The following VWA8 variants were observed in gnomAD, a reference collection of about 807,000 sequenced individuals.
The protein encoded by VWA8 is von Willebrand factor A domain-containing protein 8.
A neutral mutation model predicts 241.5 loss-of-function variants in VWA8; 221 were observed. That is an observed-to-expected ratio of 0.91 (90% CI 0.82 to 1.02). The LOEUF is 1.02. Ranked by LOEUF, VWA8 falls within the 50% of genes least tolerant of loss-of-function variation. The pLI is 0.00. For synonymous variants in VWA8, 852 were observed against 827.1 expected, an observed-to-expected ratio of 1.03 and a Z score of -0.52; for missense variants, 2,322 against 2,328.7, an observed-to-expected ratio of 1.00 and a Z score of 0.06.
At chr13:41,620,231 T>C (rs1435319333) in intron 37 of VWA8, among the ~76,000 whole-genome samples, 2 of 152,236 alleles carry the variant, frequency 1.3e-5, no homozygotes, top group African/African-American at 2.4e-5. Flanking sequence ...TATCCATTTC[T>C]TTTAGATTTT....
chr13:41,843,718 GCACACAACTAGAAA>G lies in VWA8; in HGVS notation c.1426-10201_1426-10188del, dbSNP rs1202512731. Among the ~76,000 whole-genome samples, 278 of 152,162 alleles carry G rather than the reference GCACACAACTAGAAA, an allele frequency of 1.8e-3. 4 individuals are homozygous for G. The highest frequency in any genetic ancestry group is 1.0e-3 in the Non-Finnish European group (69 of 67,988). On this transcript the variant is annotated intron_variant, in intron 12 of 44. Coordinates refer to ENST00000379310, the MANE Select transcript of VWA8 (RefSeq NM_015058.2). ...CAATGCCTACTATGAACACCTCTCT[GCACACAACTAGAAA>G]ATCTAGAGGAAATGGATAAATTCCT...
chr13:41,949,446 A>AG (rs35053474), intron 2 of VWA8, among the ~76,000 whole-genome samples: 38,030 of 151,540 alleles, frequency 0.25, 5,651 homozygotes, highest in South Asian at 0.34. Context: ...GGACACAGGG[A>AG]GGGGAACAAC....
At chr13:41,739,675 C>T (rs747529152) in intron 21 of VWA8, among the ~76,000 whole-genome samples, 6 of 151,992 alleles carry the variant, frequency 3.9e-5, no homozygotes, top group Non-Finnish European at 4.4e-5. Context: ...AGTTTTCTAC[C>T]ATTTACCTAT....
At chr13:41,881,606 G>T (rs1441698873) in intron 9 of VWA8, among the ~76,000 whole-genome samples, 2 of 150,662 alleles carry the variant, frequency 1.3e-5, no homozygotes, top group South Asian at 2.1e-4. Flanking sequence ...GTGGTGGCCA[G>T]GCAGAGGGGC....
intron 1 of VWA8, among the ~76,000 whole-genome samples, chr13:41,959,704 C>A (rs1239638809): frequency 6.7e-6 from 1 of 150,220 alleles, no homozygotes; most frequent in African/African-American, 2.5e-5. Flanking sequence ...CGGGTTCACG[C>A]CATTCTTCTG....
chr13:41,574,222 A>G (rs2044336182), intron 43 of VWA8, among the ~76,000 whole-genome samples: 1 of 152,050 alleles, frequency 6.6e-6, no homozygotes, highest in Non-Finnish European at 1.5e-5. Flanking sequence ...TGAATTCAGT[A>G]AAGTCTCAGG....
intron 12 of VWA8, among the ~76,000 whole-genome samples, chr13:41,850,787 G>A (rs1872500540): frequency 6.6e-6 from 1 of 152,126 alleles, no homozygotes. Flanking sequence ...AGCCCATGAG[G>A]ATCACTAACA....
chr13:41,764,794 C>A (rs1359581407), intron 20 of VWA8, among the ~76,000 whole-genome samples: 1 of 151,798 alleles, frequency 6.6e-6, no homozygotes, highest in African/African-American at 2.4e-5. Context: ...TCTGGCTAAG[C>A]CCTGGAAACC....
chr13:41,720,420 CAAAT>C, intron 25 of VWA8, among the ~76,000 whole-genome samples: 1 of 152,146 alleles, frequency 6.6e-6, no homozygotes, highest in South Asian at 2.1e-4. Context: ...TTTTAATTGA[CAAAT>C]AATAACTGTA....
At chr13:41,687,488 AAAG>A (rs2045144619) in intron 34 of VWA8, among the ~76,000 whole-genome samples, 1 of 152,166 alleles carries the variant, frequency 6.6e-6, no homozygotes, top group African/African-American at 2.4e-5. Context: ...TACATAATCC[AAAG>A]AAGTTCACAT....
At chr13:41,881,371 CCGGGGGGGG>C (rs1314932110) in intron 9 of VWA8, among the ~76,000 whole-genome samples, 5 of 10,984 alleles carry the variant, frequency 4.6e-4, no homozygotes, top group Non-Finnish European at 7.8e-4. Context: ...TTTTTTTTTG[CCGGGGGGGG>C]GGGGGGGGGG....
chr13:41,907,612 C>A lies in VWA8; in HGVS notation c.457G>T (p.Ala153Ser). Residue 153 changes from alanine to serine, a missense_variant, in exon 4 of 45, where the codon GCA (alanine) becomes TCA (serine). Physicochemically the swap from Ala to Ser is moderately conservative, Grantham distance 99. Coordinates refer to ENST00000379310, the MANE Select transcript of VWA8 (RefSeq NM_015058.2). The part of the protein sequence containing the change: ...TDLKQRREIR[A>S]GTAFYIDQCA... Reference sequence around the variant, plus strand: ...TGATCAATGTAAAAGGCTGTGCCTGCACGGATCTCTCGTCGCTGTTTGAGA... The same window carrying A: ...TGATCAATGTAAAAGGCTGTGCCTGAACGGATCTCTCGTCGCTGTTTGAGA... The A allele has an allele frequency of 6.2e-7, 1 of 1,614,156 alleles. No individual in the cohort carries two copies. Among genetic ancestry groups the A allele is most frequent in the Non-Finnish European group, 8.5e-7 (1 of 1,179,996 alleles).
intron 17 of VWA8, among the ~76,000 whole-genome samples, chr13:41,810,673 T>C (rs974296237): frequency 9.2e-5 from 14 of 152,100 alleles, no homozygotes; most frequent in Admixed American, 6.6e-5. Context: ...TACAAAAACA[T>C]AGATAGAATG....
At chr13:41,684,243 A>C (rs1369042424) in intron 35 of VWA8, among the ~76,000 whole-genome samples, 3 of 152,142 alleles carry the variant, frequency 2.0e-5, no homozygotes, top group Non-Finnish European at 4.4e-5. Flanking sequence ...AACTTTTCAA[A>C]CCCTGTTACA....
chr13:41,929,355 G>A (rs1365139295), intron 2 of VWA8, among the ~76,000 whole-genome samples: 1 of 151,832 alleles, frequency 6.6e-6, no homozygotes, highest in Non-Finnish European at 1.5e-5. Flanking sequence ...GCCTCACTAT[G>A]TTGCCATGGC....
At chr13:41,954,049 TATG>T (rs1188994531) in intron 1 of VWA8, among the ~76,000 whole-genome samples, 1 of 152,202 alleles carries the variant, frequency 6.6e-6, no homozygotes, top group Non-Finnish European at 1.5e-5. Flanking sequence ...AGGGAAAAGT[TATG>T]ACATTCATAT....
intron 20 of VWA8, among the ~76,000 whole-genome samples, chr13:41,770,901 C>CAAAAAAAA (rs71096541): frequency 7.1e-5 from 7 of 98,354 alleles, no homozygotes; most frequent in East Asian, 2.9e-4. Context: ...CTTAAAATGA[C>CAAAAAAAA]AAAAAAAAAA....
chr13:41,886,043 A>T lies in VWA8; in HGVS notation c.867-15T>A. 6.6e-7 allele frequency: 1 copy of T among 1,510,228 alleles called. No individual in the cohort carries two copies. 93.6% of individuals were successfully genotyped at this position (1,510,228 alleles called of 1,614,324 possible). On this transcript the variant is annotated splice_polypyrimidine_tract_variant and intron_variant, in intron 7 of 44. Coordinates refer to ENST00000379310, the MANE Select transcript of VWA8 (RefSeq NM_015058.2). ...GCTGAGAAACTCTAAGGGAAAAATG[A>T]TATTAAATTTTAATAGTTTTAAAAT...
chr13:41,622,787 T>C, intron 37 of VWA8, among the ~76,000 whole-genome samples: 1 of 152,216 alleles, frequency 6.6e-6, no homozygotes, highest in East Asian at 1.9e-4. Flanking sequence ...GGCTCCTCCT[T>C]GAGTTCATGA....
Sources: gnomAD v4.1 joint callset for allele counts (sites outside exome capture counted in the v4.1 genomes callset) on GRCh38, gnomAD v4.1.1 for gene constraint, MANE v1.5 for transcripts, NCBI Gene and HGNC (gene_info 2026-07-23, HGNC 2026-07-21) for gene names.